The following ROBO2 variants were observed in gnomAD, a reference collection of about 807,000 sequenced individuals.
The protein encoded by ROBO2 is roundabout guidance receptor 2, also known as roundabout homolog 2.
A neutral mutation model predicts 160.8 loss-of-function variants in ROBO2; 53 were observed. The ratio of observed to expected loss-of-function variants is 0.33; its 90% CI spans 0.26 to 0.41. The LOEUF is 0.41. ROBO2 is among the 10% of genes least tolerant of loss of function. ROBO2 has a pLI of 1.00. For synonymous variants in ROBO2, 664 were observed against 611.7 expected (o/e 1.09, Z -1.26); for missense variants, 1,577 against 1,722.4 (o/e 0.92, Z 1.49).
At chr3:76,278,127 A>G (rs968002885) in intron 2 of ROBO2, among the ~76,000 whole-genome samples, 1 of 151,954 alleles carries the variant, frequency 6.6e-6, no homozygotes, top group Non-Finnish European at 1.5e-5. Context: ...TGTATGGTTT[A>G]ATAAAATCTG....
chr3:76,089,975 G>T (rs1032218343), intron 2 of ROBO2, among the ~76,000 whole-genome samples: 2 of 152,004 alleles, frequency 1.3e-5, no homozygotes, highest in African/African-American at 2.4e-5. Context: ...TTATAGAAAG[G>T]TATCAGAATA....
In ROBO2 at chr3:77,260,217, T is replaced by C. The variant is rs565969190; in HGVS notation, c.388+161877T>C. Among the ~76,000 whole-genome samples the C allele has an allele frequency of 5.3e-5, 8 of 152,242 alleles. No homozygotes were observed. The South Asian group carries it at 1.5e-3, about 28-fold the overall frequency. On this transcript the variant is annotated intron_variant, in intron 2 of 25. Coordinates refer to ENST00000461745, the Ensembl canonical transcript of ROBO2. ...GTTCTCAGCAGCCCATTTGTGAGTT[T>C]TGGGGGGAAATAAAATACTTTTTCA...
At chr3:76,811,506 C>A (rs1002472816) in intron 2 of ROBO2, among the ~76,000 whole-genome samples, 2 of 152,016 alleles carry the variant, frequency 1.3e-5, no homozygotes, top group African/African-American at 4.8e-5. Context: ...TTTTAAATGT[C>A]GTGTTTTAAA....
At chr3:76,335,936 T>C (rs1054363190) in intron 2 of ROBO2, among the ~76,000 whole-genome samples, 1 of 152,210 alleles carries the variant, frequency 6.6e-6, no homozygotes, top group African/African-American at 2.4e-5. Context: ...TACAATTTAC[T>C]TAAATATTTT....
intron 2 of ROBO2, among the ~76,000 whole-genome samples, chr3:77,372,157 A>C (rs1470901966): frequency 2.0e-5 from 3 of 152,040 alleles, no homozygotes; most frequent in Non-Finnish European, 4.4e-5. Context: ...AGAAGGAAGG[A>C]GGGAGAGAGT....
chr3:76,645,074 A>G (rs1013340987), intron 2 of ROBO2, among the ~76,000 whole-genome samples: 4 of 152,200 alleles, frequency 2.6e-5, no homozygotes, highest in Non-Finnish European at 4.4e-5. Flanking sequence ...TCTGTGCTCC[A>G]TTGCTTCTCC....
At chr3:76,859,227 A>G (rs149844903) in intron 2 of ROBO2, among the ~76,000 whole-genome samples, 24 of 152,342 alleles carry the variant, frequency 1.6e-4, no homozygotes, top group Admixed American at 9.2e-4. Flanking sequence ...TGACAAAAAT[A>G]GACATGACTT....
At chr3:76,938,658 G>A (rs1448419781) in intron 2 of ROBO2, among the ~76,000 whole-genome samples, 2 of 151,416 alleles carry the variant, frequency 1.3e-5, no homozygotes. Context: ...AGCTCAATCA[G>A]TGGACATCTC....
chr3:77,410,702 C>CTCCTCCTCCTCTTCCTCCTCCTCT (rs1560758814), intron 2 of ROBO2, among the ~76,000 whole-genome samples: 10 of 97,664 alleles, frequency 1.0e-4, no homozygotes, highest in Admixed American at 8.6e-4. Context: ...CCTCCTCTTC[C>CTCCTCCTCCTCTTCCTCCTCCTCT]TCCTCCTCCT....
At chr3:77,522,929 A>T (rs763652718) in intron 6 of ROBO2, 27 bp downstream of exon 6, 35 of 1,607,732 alleles carry the variant, frequency 2.2e-5, no homozygotes, top group African/African-American at 2.7e-5. Context: ...GTCAAAGATA[A>T]TTGAACCAGG....
intron 2 of ROBO2, among the ~76,000 whole-genome samples, chr3:77,257,506 A>G (rs560654363): frequency 6.6e-6 from 1 of 152,362 alleles, no homozygotes; most frequent in Admixed American, 6.5e-5. Context: ...TGGTATTTCA[A>G]AAAGAGTGAT....
At chr3:77,072,118 G>A (rs1049306846) in intron 1 of ROBO2, among the ~76,000 whole-genome samples, 1 of 151,972 alleles carries the variant, frequency 6.6e-6, no homozygotes, top group African/African-American at 2.4e-5. Flanking sequence ...TCAAAGGAGC[G>A]AGAACCCTGT....
intron 2 of ROBO2, among the ~76,000 whole-genome samples, chr3:75,953,754 TG>T (rs1172283220): frequency 2.0e-5 from 3 of 151,908 alleles, no homozygotes; most frequent in Non-Finnish European, 4.4e-5. Context: ...TGACAGCTTT[TG>T]ATGTTGTCTC....
At chr3:77,425,060 A>G (rs1458087294) in intron 2 of ROBO2, among the ~76,000 whole-genome samples, 1 of 152,178 alleles carries the variant, frequency 6.6e-6, no homozygotes, top group African/African-American at 2.4e-5. Context: ...ACTCTTACCC[A>G]TGGCTAATAT....
rs575043658 is a variant in ROBO2 at position 77,503,370 on chromosome 3, A to C, written c.806+9988A>C. Among the ~76,000 whole-genome samples, 65 of 151,338 alleles carry C rather than the reference A, an allele frequency of 4.3e-4. 1 individual carries two copies. The East Asian group carries it at 0.012, about 28-fold the overall frequency. The stretch of plus-strand genomic sequence containing the variant: ...GAAACCCCGTCTCTACTAAAAATAC[A>C]AAAAATTAGCCAGGCGTGGTGGCGG... On this transcript the variant is annotated intron_variant, in intron 5 of 25. Coordinates refer to ENST00000461745, the Ensembl canonical transcript of ROBO2.
intron 17 of ROBO2, among the ~76,000 whole-genome samples, chr3:77,589,503 A>C (rs2094132187): frequency 1.3e-5 from 2 of 152,162 alleles, no homozygotes; most frequent in African/African-American, 4.8e-5. Flanking sequence ...GCAAATGAAC[A>C]GTATTTTAAA....
At chr3:76,323,170 C>CACACAT (rs1553705975) in intron 2 of ROBO2, among the ~76,000 whole-genome samples, 15 of 151,308 alleles carry the variant, frequency 9.9e-5, no homozygotes, top group Non-Finnish European at 2.2e-4. Flanking sequence ...CACACACACA[C>CACACAT]ACACACCCCT....
chr3:76,925,236 G>C (rs1350034305), intron 2 of ROBO2, among the ~76,000 whole-genome samples: 1 of 131,056 alleles, frequency 7.6e-6, no homozygotes, highest in Non-Finnish European at 1.7e-5. Context: ...AAAAAATCTG[G>C]TTTGCTTTTC....
chr3:77,018,701 T>C (rs1227622401), intron 2 of ROBO2, among the ~76,000 whole-genome samples: 1 of 152,232 alleles, frequency 6.6e-6, no homozygotes, highest in Non-Finnish European at 1.5e-5. Flanking sequence ...GTTTACTTTC[T>C]AGTACTTTCA....
Sources: allele counts gnomAD v4.1 joint callset (sites outside exome capture counted in the v4.1 genomes callset), GRCh38; gene constraint gnomAD v4.1.1; transcripts MANE v1.5; gene names NCBI Gene and HGNC (gene_info 2026-07-23, HGNC 2026-07-21).